GPC5: variants seen among roughly 807,000 people sequenced by gnomAD.
GPC5 encodes the protein glypican 5.
Under a neutral mutation model 53.9 loss-of-function variants are expected in GPC5, and 47 were observed. The observed-to-expected ratio is 0.87, with a 90% CI of 0.69 to 1.11. The LOEUF is 1.11. Among genes scored for constraint, GPC5 ranks in the 50% most tolerant of loss-of-function variants. GPC5 has a pLI of 0.00. For missense variants in GPC5, 748 were observed against 713.1 expected, an observed-to-expected ratio of 1.05 and a Z score of -0.56; for synonymous variants, 286 against 263.3, an observed-to-expected ratio of 1.09 and a Z score of -0.84.
At chr13:92,343,511 C>A (rs931625462) in intron 7 of GPC5, among the ~76,000 whole-genome samples, 4 of 151,974 alleles carry the variant, frequency 2.6e-5, no homozygotes, top group Non-Finnish European at 5.9e-5. Context: ...TATGTGAGTT[C>A]TCAAATTCTG....
intron 7 of GPC5, among the ~76,000 whole-genome samples, chr13:92,420,852 A>G (rs1876526258): frequency 6.6e-6 from 1 of 152,182 alleles, no homozygotes; most frequent in Non-Finnish European, 1.5e-5. Flanking sequence ...ATAGCACTCC[A>G]TTGTATATAT....
chr13:92,642,657 CAA>C (rs1408020949), intron 7 of GPC5, among the ~76,000 whole-genome samples: 1 of 152,252 alleles, frequency 6.6e-6, no homozygotes, highest in East Asian at 1.9e-4. Context: ...CTTGAGTTTG[CAA>C]AGTGTGTTGA....
intron 7 of GPC5, among the ~76,000 whole-genome samples, chr13:92,818,477 A>G (rs1293969825): frequency 6.6e-6 from 1 of 152,020 alleles, no homozygotes; most frequent in Non-Finnish European, 1.5e-5. Context: ...GCAGGGAAGG[A>G]GTTATCCCTT....
chr13:91,867,022 C>T (rs529518882), intron 5 of GPC5, among the ~76,000 whole-genome samples: 54 of 152,196 alleles, frequency 3.5e-4, no homozygotes, highest in African/African-American at 1.2e-3. Flanking sequence ...TTGAGACCAG[C>T]CTGACCAACA....
intron 7 of GPC5, among the ~76,000 whole-genome samples, chr13:92,154,032 AG>A (rs1200469994): frequency 6.6e-6 from 1 of 152,206 alleles, no homozygotes; most frequent in Non-Finnish European, 1.5e-5. Context: ...AAGTTTCTGC[AG>A]GCTGTGTGAG....
At chr13:91,464,133 T>C (rs1226525511) in intron 2 of GPC5, among the ~76,000 whole-genome samples, 1 of 152,092 alleles carries the variant, frequency 6.6e-6, no homozygotes, top group Non-Finnish European at 1.5e-5. Context: ...TGAAAAGATA[T>C]GCAACATCTA....
rs569819307 is a variant in GPC5 at position 91,648,931 on chromosome 13, A to G, written c.326-44256A>G. On this transcript the variant is annotated intron_variant, in intron 2 of 7. Transcript: ENST00000377067. ...ATGGCTGTGTCCCCACCCAAATCTC[A>G]TCTTGAATTGTAGTTCCCATAATCC... Among the ~76,000 whole-genome samples the G allele has an allele frequency of 1.0e-3, 154 of 152,152 alleles. 1 individual carries two copies. The highest frequency in any genetic ancestry group is 3.5e-3 in the African/African-American group (145 of 41,518).
intron 6 of GPC5, among the ~76,000 whole-genome samples, chr13:92,131,895 A>C (rs2041746942): frequency 6.7e-6 from 1 of 150,324 alleles, no homozygotes; most frequent in South Asian, 2.1e-4. Context: ...CATTTTGCCT[A>C]TCTATGACCC....
At chr13:92,112,708 A>G (rs1347588416) in intron 6 of GPC5, among the ~76,000 whole-genome samples, 3 of 152,096 alleles carry the variant, frequency 2.0e-5, no homozygotes, top group Non-Finnish European at 4.4e-5. Context: ...GGATTGTAAC[A>G]GTCATTTGTG....
chr13:92,421,698 C>CAAAAAAAAAAAAAAAAAAAA (rs34055682), intron 7 of GPC5, among the ~76,000 whole-genome samples: 16 of 69,482 alleles, frequency 2.3e-4, no homozygotes, highest in African/African-American at 9.4e-4. Flanking sequence ...GACTCCGTCT[C>CAAAAAAAAAAAAAAAAAAAA]AAAAAAAAAA....
chr13:91,568,029 T>C lies in GPC5; in HGVS notation c.325+119107T>C, dbSNP rs1435801376. Among the ~76,000 whole-genome samples, 3 of 152,174 alleles carry C rather than the reference T, an allele frequency of 2.0e-5. No individual in the cohort carries two copies. In the East Asian group the frequency reaches 5.8e-4, roughly 29 times the overall value. ...AGTGTTTGACAGCTTTTCCTTCACA[T>C]GCTAACACACTCTCCTGCCACCTTG... On this transcript the variant is annotated intron_variant, in intron 2 of 7. Transcript: ENST00000377067.
chr13:91,831,388 C>T (rs542437390), intron 5 of GPC5, among the ~76,000 whole-genome samples: 1 of 151,974 alleles, frequency 6.6e-6, no homozygotes, highest in Admixed American at 6.6e-5. Flanking sequence ...CCTTCCCCAG[C>T]CCACTGATTC....
intron 6 of GPC5, among the ~76,000 whole-genome samples, chr13:92,086,832 T>C (rs1293012080): frequency 6.6e-6 from 1 of 152,178 alleles, no homozygotes; most frequent in East Asian, 1.9e-4. Context: ...CTAATTTTTG[T>C]ATTTTTAGTA....
intron 7 of GPC5, among the ~76,000 whole-genome samples, chr13:92,269,120 A>T (rs1301369973): frequency 1.3e-5 from 2 of 152,058 alleles, no homozygotes; most frequent in Admixed American, 1.3e-4. Context: ...GAAATGATGC[A>T]TGACTTGATT....
At chr13:91,565,338 TG>T (rs1306193931) in intron 2 of GPC5, among the ~76,000 whole-genome samples, 13 of 152,146 alleles carry the variant, frequency 8.5e-5, no homozygotes, top group Non-Finnish European at 1.9e-4. Flanking sequence ...GCTTCAACAA[TG>T]TACAGTTGTT....
intron 7 of GPC5, among the ~76,000 whole-genome samples, chr13:92,656,398 G>C (rs1408248712): frequency 6.6e-6 from 1 of 152,166 alleles, no homozygotes; most frequent in African/African-American, 2.4e-5. Flanking sequence ...GTGAAGGAGA[G>C]AAAGGGAGGA....
chr13:92,237,057 A>G (rs1044805429), intron 7 of GPC5, among the ~76,000 whole-genome samples: 1 of 152,072 alleles, frequency 6.6e-6, no homozygotes, highest in African/African-American at 2.4e-5. Flanking sequence ...CCCCACAACT[A>G]ATGCCCTGAG....
At chr13:92,268,575 A>G (rs2042818219) in intron 7 of GPC5, among the ~76,000 whole-genome samples, 1 of 150,818 alleles carries the variant, frequency 6.6e-6, no homozygotes, top group South Asian at 2.1e-4. Context: ...TTTAGGTAAT[A>G]TCTTTTTTTT....
intron 7 of GPC5, among the ~76,000 whole-genome samples, chr13:92,263,683 G>A (rs990069094): frequency 2.6e-5 from 4 of 152,068 alleles, no homozygotes; most frequent in Admixed American, 2.6e-4. Flanking sequence ...TTTATAAATG[G>A]GGACAAAATA....
Sources: allele counts gnomAD v4.1 joint callset (sites outside exome capture counted in the v4.1 genomes callset), GRCh38; gene constraint gnomAD v4.1.1; transcripts MANE v1.5; gene names NCBI Gene and HGNC (gene_info 2026-07-23, HGNC 2026-07-21).